LMAN2L: variants seen among roughly 807,000 people sequenced by gnomAD.
LMAN2L encodes lectin, mannose binding 2 like, also known as VIP36-like protein.
In LMAN2L, 30 loss-of-function variants were observed where a neutral mutation model predicts 44.3. The ratio of observed to expected loss-of-function variants is 0.68; its 90% CI spans 0.51 to 0.92. The LOEUF (loss-of-function observed/expected upper bound fraction) is 0.92, where lower values mean the gene tolerates loss of function less well. LMAN2L is among the 40% of genes least tolerant of loss of function. LMAN2L has a pLI of 0.00. For missense variants in LMAN2L, 429 were observed against 446.1 expected, an observed-to-expected ratio of 0.96 and a Z score of 0.35; for synonymous variants, 183 against 171.1, an observed-to-expected ratio of 1.07 and a Z score of -0.54.
chr2:96,737,002 C>T, intron 2 of LMAN2L: 1 of 343,768 alleles, frequency 2.9e-6, no homozygotes, highest in Non-Finnish European at 5.6e-6. Flanking sequence ...TGAGAAAAGC[C>T]ACGTAAAAAA....
At chr2:96,729,961 G>A (rs1296305223) in intron 4 of LMAN2L, among the ~76,000 whole-genome samples, 1 of 152,128 alleles carries the variant, frequency 6.6e-6, no homozygotes, top group Non-Finnish European at 1.5e-5. Flanking sequence ...GGTTGGGACT[G>A]GATGTCAATA....
At chr2:96,723,437 A>G (rs1027101246) in intron 4 of LMAN2L, among the ~76,000 whole-genome samples, 5 of 152,236 alleles carry the variant, frequency 3.3e-5, no homozygotes, top group Non-Finnish European at 5.9e-5. Flanking sequence ...CAAATCTCTA[A>G]TAAGATATGA....
At chr2:96,717,181 C>T (rs188256946) in intron 4 of LMAN2L, among the ~76,000 whole-genome samples, 1 of 151,924 alleles carries the variant, frequency 6.6e-6, no homozygotes, top group East Asian at 1.9e-4. Flanking sequence ...GAAAAAAAGA[C>T]ACACAAGCAC....
intron 7 of LMAN2L, 49 bp from the exon 8 acceptor site, chr2:96,707,447 T>A: frequency 2.5e-6 from 4 of 1,569,788 alleles, no homozygotes; most frequent in Non-Finnish European, 3.5e-6. Context: ...GCCCACCCAA[T>A]AGGGAAGGAT....
chr2:96,707,240 G>C lies in LMAN2L; in HGVS notation c.*16C>G. On this transcript the variant is annotated 3_prime_UTR_variant, in exon 8 of 8. Transcript: ENST00000264963. ...CTCATGGGTGACAGTCACAAAAGTG[G>C]TGGCAGCAGGAGGGCTCAGTAGAAG... The C allele has an allele frequency of 1.2e-6, 2 of 1,612,354 alleles. No homozygotes were observed. The highest frequency in any genetic ancestry group is 1.7e-6 in the Non-Finnish European group (2 of 1,178,930).
At chr2:96,737,649 T>C (rs2078544074) in intron 2 of LMAN2L, among the ~76,000 whole-genome samples, 1 of 152,074 alleles carries the variant, frequency 6.6e-6, no homozygotes, top group Non-Finnish European at 1.5e-5. Context: ...TCTTACAAAG[T>C]GGTTAAGCAG....
At chr2:96,721,894 A>G (rs550593276) in intron 4 of LMAN2L, among the ~76,000 whole-genome samples, 2 of 151,388 alleles carry the variant, frequency 1.3e-5, no homozygotes, top group African/African-American at 4.9e-5. Flanking sequence ...CTGGAAGACA[A>G]TTTTTCCATG....
At chr2:96,721,382 G>C (rs1394278973) in intron 4 of LMAN2L, among the ~76,000 whole-genome samples, 1 of 146,332 alleles carries the variant, frequency 6.8e-6, no homozygotes, top group Non-Finnish European at 1.5e-5. Context: ...ACCCAGGCTG[G>C]AGTGCAGTGG....
chr2:96,725,553 C>T (rs1426759487), intron 4 of LMAN2L, among the ~76,000 whole-genome samples: 1 of 151,586 alleles, frequency 6.6e-6, no homozygotes, highest in Non-Finnish European at 1.5e-5. Flanking sequence ...CGCCATTCTC[C>T]TGCCTCAGCC....
At chr2:96,735,805 TC>T (rs1367709176) in intron 2 of LMAN2L, among the ~76,000 whole-genome samples, 1 of 147,604 alleles carries the variant, frequency 6.8e-6, no homozygotes, top group African/African-American at 2.5e-5. Flanking sequence ...GCCACTACAC[TC>T]CAGCCTGGGC....
At position 96,733,549 on chromosome 2, in the gene LMAN2L, G is replaced by A. The variant is rs1282398984; in HGVS notation, c.477C>T (p.Asp159=). The A allele has an allele frequency of 1.9e-6, 3 of 1,613,898 alleles. No individual in the cohort carries two copies. The highest frequency in any genetic ancestry group is 2.5e-6 in the Non-Finnish European group (3 of 1,179,916). The change falls in exon 4 of 8, where the codon GAC becomes GAT. Residue 159 remains aspartate (D), a synonymous_variant. Transcript: ENST00000264963. ...DKFVGLGVFV[D]TYPNEEKQQE... ...GCTGCTTCTCCTCATTGGGGTAGGT[G>A]TCTACAAATACTCCCAGCCCCACAA...
At chr2:96,733,074 G>A (rs2078440103) in intron 4 of LMAN2L, among the ~76,000 whole-genome samples, 1 of 152,144 alleles carries the variant, frequency 6.6e-6, no homozygotes, top group African/African-American at 2.4e-5. Flanking sequence ...TATAGGCGAG[G>A]AGAACTGTTC....
chr2:96,740,013 A>T lies in LMAN2L; in HGVS notation c.28T>A (p.Ser10Thr). 6.2e-7 allele frequency: 1 copy of T among 1,612,102 alleles called. No individual in the cohort carries two copies. Among genetic ancestry groups the T allele is most frequent in the Non-Finnish European group, 8.5e-7 (1 of 1,179,522 alleles). Residue 10 changes from serine to threonine, a missense_variant, in exon 1 of 8, where the codon TCG (serine) becomes ACG (threonine). Transcript: ENST00000264963. ...AAACATCGCCGCCACTGCTGCCACG[A>T]CCCAAGGGGTCCCAGAGTCGCCGCC... MAATLGPLG[S>T]WQQWRRCLSA... is the part of the protein sequence containing the mutation.
intron 3 of LMAN2L, 75 bp from the exon 4 acceptor site, chr2:96,733,676 G>A (rs1400094753): frequency 5.0e-6 from 6 of 1,198,624 alleles, no homozygotes; most frequent in Non-Finnish European, 4.9e-6. Flanking sequence ...TCACTATGAT[G>A]GAGGAAAAAG....
chr2:96,738,077 G>A lies in LMAN2L; in HGVS notation c.188-10C>T. The stretch of plus-strand genomic sequence containing the variant: ...CTGCCTGTGCCCACACCTACAGGAA[G>A]GAAGTAGATCAGTTCATACTTTTCA... On this transcript the variant is annotated splice_polypyrimidine_tract_variant and intron_variant, in intron 1 of 7. Coordinates refer to ENST00000264963, the MANE Select transcript of LMAN2L (RefSeq NM_030805.4). The A allele has an allele frequency of 6.3e-7, 1 of 1,587,876 alleles. No individual in the cohort carries two copies. Among genetic ancestry groups the A allele is most frequent in the Non-Finnish European group, 8.6e-7 (1 of 1,156,238 alleles).
intron 6 of LMAN2L, 79 bp from the exon 7 acceptor site, chr2:96,707,912 G>T: frequency 6.9e-7 from 1 of 1,457,794 alleles, no homozygotes. Context: ...CTTAGTTCAA[G>T]CCTCTGATCC....
chr2:96,739,816 C>A (rs1475544994), intron 1 of LMAN2L, 38 bp downstream of exon 1: 1 of 1,602,882 alleles, frequency 6.2e-7, no homozygotes, highest in Non-Finnish European at 8.5e-7. Context: ...TCCCGAAGCC[C>A]GCCCCACTGC....
At chr2:96,738,097 T>C in intron 1 of LMAN2L, 30 bp from the exon 2 acceptor site, 1 of 1,464,984 alleles carries the variant, frequency 6.8e-7, no homozygotes, top group Non-Finnish European at 9.6e-7. Flanking sequence ...CAGTTCATAC[T>C]TTTCAACACC....
In LMAN2L at chr2:96,730,534, C is replaced by T. The variant is rs533970286; in HGVS notation, c.507+2985G>A. Among the ~76,000 whole-genome samples, 4 of 152,240 alleles carry T rather than the reference C, an allele frequency of 2.6e-5. No individual in the cohort carries two copies. The East Asian group carries it at 7.7e-4, about 29-fold the overall frequency. Reference sequence around the variant, plus strand: ...TCAGCGGCTAGTTAACATGCCGAGGCTACAGTGTTAATATTGTAGAATGCA... The same window carrying T: ...TCAGCGGCTAGTTAACATGCCGAGGTTACAGTGTTAATATTGTAGAATGCA... On this transcript the variant is annotated intron_variant, in intron 4 of 7. Coordinates refer to ENST00000264963, the MANE Select transcript of LMAN2L (RefSeq NM_030805.4).
Sources: gnomAD v4.1 joint callset for allele counts (sites outside exome capture counted in the v4.1 genomes callset) on GRCh38, gnomAD v4.1.1 for gene constraint, MANE v1.5 for transcripts, NCBI Gene and HGNC (gene_info 2026-07-23, HGNC 2026-07-21) for gene names.